NSD1: variants seen among roughly 807,000 people sequenced by gnomAD.
The protein encoded by NSD1 is nuclear receptor binding SET domain protein 1, also known as histone-lysine N-methyltransferase, H3 lysine-36 specific.
A neutral mutation model predicts 242.7 loss-of-function variants in NSD1; 26 were observed. The ratio of observed to expected loss-of-function variants is 0.11; its 90% confidence interval spans 0.08 to 0.15. The LOEUF is 0.15. NSD1 is among the 10% of genes least tolerant of loss of function. The pLI is 1.00. For missense variants in NSD1, 2,495 were observed against 3,272.8 expected (o/e 0.76, Z 5.80); for synonymous variants, 1,106 against 1,178.1 (o/e 0.94, Z 1.25).
chr5:177,195,101 G>A (rs373487759), intron 3 of NSD1, among the ~76,000 whole-genome samples: 20 of 152,196 alleles, frequency 1.3e-4, no homozygotes, highest in Admixed American at 9.2e-4. Flanking sequence ...GGAGGTTGCC[G>A]TGATCCAAGA....
intron 17 of NSD1, among the ~76,000 whole-genome samples, chr5:177,275,274 C>T (rs1054712743): frequency 6.6e-6 from 1 of 151,662 alleles, no homozygotes; most frequent in Non-Finnish European, 1.5e-5. Flanking sequence ...TTTATACTTG[C>T]TTTTTTATTT....
chr5:177,214,231 C>G (rs1005495240), intron 5 of NSD1, among the ~76,000 whole-genome samples: 4 of 152,114 alleles, frequency 2.6e-5, no homozygotes, highest in Admixed American at 6.6e-5. Context: ...ACTCGGGAGG[C>G]TGAGGTAGGA....
chr5:177,221,291 CTTGTTTT>C (rs1156455386), intron 5 of NSD1, among the ~76,000 whole-genome samples: 2 of 149,210 alleles, frequency 1.3e-5, no homozygotes, highest in African/African-American at 2.5e-5. Context: ...TTCTGCCTTC[CTTGTTTT>C]TTGTTTTTTT....
intron 17 of NSD1, among the ~76,000 whole-genome samples, chr5:177,275,527 G>A (rs1295669481): frequency 3.9e-5 from 5 of 126,720 alleles, no homozygotes; most frequent in Admixed American, 1.1e-4. Context: ...TCTGCCTCCC[G>A]GGTTCAAGCC....
chr5:177,151,295 A>G (rs1757676071), intron 2 of NSD1, among the ~76,000 whole-genome samples: 1 of 152,182 alleles, frequency 6.6e-6, no homozygotes, highest in South Asian at 2.1e-4. Context: ...AGAATCCAGA[A>G]TTGAATTGAA....
At chr5:177,208,784 C>A (rs1025206351) in intron 4 of NSD1, among the ~76,000 whole-genome samples, 2 of 152,016 alleles carry the variant, frequency 1.3e-5, no homozygotes, top group Admixed American at 1.3e-4. Context: ...TGATCTCCAA[C>A]TCCCGGGTGC....
At chr5:177,183,719 A>G (rs955687560) in intron 2 of NSD1, among the ~76,000 whole-genome samples, 1 of 151,908 alleles carries the variant, frequency 6.6e-6, no homozygotes, top group African/African-American at 2.4e-5. Context: ...ATTATTTCTA[A>G]CTTTTTTTTG....
intron 2 of NSD1, among the ~76,000 whole-genome samples, chr5:177,188,037 A>G (rs1452821303): frequency 1.3e-5 from 2 of 152,190 alleles, no homozygotes; most frequent in Non-Finnish European, 2.9e-5. Flanking sequence ...CTAAGCCTGG[A>G]AGATGCCACT....
chr5:177,211,245 C>G lies in NSD1; in HGVS notation c.2846C>G (p.Pro949Arg), dbSNP rs1331443847. The G allele has an allele frequency of 6.2e-7, 1 of 1,613,870 alleles. No individual in the cohort carries two copies. Among genetic ancestry groups the G allele is most frequent in the African/African-American group, 1.3e-5 (1 of 74,896 alleles). The change falls in exon 5 of 23, where the codon CCT becomes CGT. Residue 949 changes from proline to arginine, a missense_variant. By Grantham distance (103) the Pro-to-Arg change is moderately radical. Around this residue, in one of 19 missense-constraint regions of NSD1, gnomAD observed 121 missense variants for 167.2 expected, o/e 0.72. Transcript: ENST00000439151. ...PGRGDCSTNS[P>R]VGVSKVLVSG... ...CGTGGGGACTGTTCTACTAATAGTC[C>G]TGTAGGAGTCTCTAAGGTTTTGGTT...
intron 5 of NSD1, among the ~76,000 whole-genome samples, chr5:177,222,526 C>A (rs1764318120): frequency 1.3e-5 from 2 of 152,092 alleles, no homozygotes; most frequent in South Asian, 4.1e-4. Flanking sequence ...TGGTTATAGC[C>A]GTCCTTTTGG....
chr5:177,204,985 C>A (rs1198513665), intron 4 of NSD1, among the ~76,000 whole-genome samples: 3 of 152,116 alleles, frequency 2.0e-5, no homozygotes, highest in African/African-American at 7.2e-5. Context: ...CTGCTTCTTG[C>A]CACTTGGACT....
chr5:177,197,561 G>T (rs990994064), intron 3 of NSD1, among the ~76,000 whole-genome samples: 2 of 152,176 alleles, frequency 1.3e-5, no homozygotes, highest in African/African-American at 4.8e-5. Context: ...GGCGGAGCTT[G>T]CAGTGAGCCA....
chr5:177,150,979 C>T (rs1406409280), intron 2 of NSD1, among the ~76,000 whole-genome samples: 1 of 152,090 alleles, frequency 6.6e-6, no homozygotes, highest in Admixed American at 6.6e-5. Flanking sequence ...TTGTATATAC[C>T]AAAGGCATTT....
intron 2 of NSD1, among the ~76,000 whole-genome samples, chr5:177,191,066 A>G (rs1761652517): frequency 6.7e-6 from 1 of 148,774 alleles, no homozygotes; most frequent in Non-Finnish European, 1.5e-5. Flanking sequence ...TCCAGGGTTC[A>G]AGCGATTCTC....
chr5:177,231,077 T>C (rs190542886), intron 5 of NSD1, among the ~76,000 whole-genome samples: 1 of 152,298 alleles, frequency 6.6e-6, no homozygotes, highest in African/African-American at 2.4e-5. Flanking sequence ...GATGGGTTTG[T>C]GTAAGTCACC....
At chr5:177,161,551 C>T (rs1758749792) in intron 2 of NSD1, among the ~76,000 whole-genome samples, 1 of 152,032 alleles carries the variant, frequency 6.6e-6, no homozygotes, top group Non-Finnish European at 1.5e-5. Context: ...TCTCAAACTC[C>T]TGGGCTCAAG....
intron 2 of NSD1, among the ~76,000 whole-genome samples, chr5:177,162,409 G>A (rs747602811): frequency 6.6e-5 from 10 of 151,880 alleles, no homozygotes; most frequent in Non-Finnish European, 1.0e-4. Flanking sequence ...TTGTTTGTTT[G>A]TTTGAGATGG....
intron 12 of NSD1, among the ~76,000 whole-genome samples, chr5:177,254,200 G>T (rs554037656): frequency 1.6e-4 from 25 of 152,224 alleles, no homozygotes; most frequent in African/African-American, 5.5e-4. Context: ...ACTCTCCTTG[G>T]CCTCCCAAAG....
intron 2 of NSD1, among the ~76,000 whole-genome samples, chr5:177,156,870 C>T (rs971274750): frequency 6.7e-6 from 1 of 150,318 alleles, no homozygotes. Flanking sequence ...CCGTCTTAGG[C>T]TGAGGCAGGA....
Sources: gnomAD v4.1 joint callset for allele counts (sites outside exome capture counted in the v4.1 genomes callset) on GRCh38, gnomAD v4.1.1 for gene constraint, gnomAD v4.1.1 regional missense constraint, MANE v1.5 for transcripts, NCBI Gene and HGNC (gene_info 2026-07-23, HGNC 2026-07-21) for gene names.